The following CACNA2D3 variants were observed in gnomAD, a reference collection of about 807,000 sequenced individuals.
The protein encoded by CACNA2D3 is voltage-dependent calcium channel subunit alpha-2/delta-3.
Under a neutral mutation model 160.6 loss-of-function variants are expected in CACNA2D3, and 60 were observed. That is an observed-to-expected ratio of 0.37 (90% CI 0.30 to 0.46). CACNA2D3 has a LOEUF of 0.46. Among genes scored for constraint, CACNA2D3 ranks in the 20% least tolerant of loss-of-function variants. The probability of loss-of-function intolerance (pLI) is 1.00; values close to 1 mark genes in which losing one functional copy is unlikely to be tolerated. For missense variants in CACNA2D3, 1,205 were observed against 1,365.0 expected (o/e 0.88, Z 1.85); for synonymous variants, 558 against 492.9 (o/e 1.13, Z -1.75).
intron 11 of CACNA2D3, among the ~76,000 whole-genome samples, chr3:54,651,451 G>T (rs542010711): frequency 1.3e-4 from 20 of 151,340 alleles, no homozygotes; most frequent in African/African-American, 4.6e-4. Context: ...AGCAAGGATG[G>T]TAGCTTTGAG....
At chr3:54,947,432 A>G (rs775934724) in intron 27 of CACNA2D3, among the ~76,000 whole-genome samples, 3 of 152,192 alleles carry the variant, frequency 2.0e-5, no homozygotes, top group Non-Finnish European at 4.4e-5. Context: ...ATTCCAGGTG[A>G]TCTCAGCTGG....
In CACNA2D3 at chr3:54,467,313, A is replaced by G. The variant is rs1204349182; in HGVS notation, c.382-36179A>G. ...GTGCTGTGAACTGTAAAGTGTGACC[A>G]GGGAACTGGGAAGAGTCTTGGAAAT... On this transcript the variant is annotated intron_variant, in intron 4 of 37. Transcript: ENST00000474759. Among the ~76,000 whole-genome samples, 4 of 152,220 alleles carry G rather than the reference A, an allele frequency of 2.6e-5. No individual in the cohort carries two copies. In the East Asian group the frequency reaches 7.7e-4, roughly 29 times the overall value.
intron 4 of CACNA2D3, among the ~76,000 whole-genome samples, chr3:54,485,876 T>A (rs1026575187): frequency 1.3e-5 from 2 of 152,100 alleles, no homozygotes; most frequent in African/African-American, 4.8e-5. Flanking sequence ...GCTTTTAAAG[T>A]CTCTGACAGA....
intron 16 of CACNA2D3, among the ~76,000 whole-genome samples, chr3:54,846,142 C>A (rs1350951891): frequency 2.0e-5 from 3 of 152,094 alleles, no homozygotes; most frequent in African/African-American, 7.2e-5. Context: ...CAAAATAAAG[C>A]CCTTGGATGC....
intron 27 of CACNA2D3, among the ~76,000 whole-genome samples, chr3:54,909,832 G>C (rs1158952963): frequency 6.6e-6 from 1 of 152,062 alleles, no homozygotes; most frequent in Admixed American, 6.6e-5. Context: ...AGACTTCAAG[G>C]AGAAAGTGAT....
chr3:54,294,210 C>G (rs1320232130), intron 2 of CACNA2D3, among the ~76,000 whole-genome samples: 1 of 152,184 alleles, frequency 6.6e-6, no homozygotes, highest in African/African-American at 2.4e-5. Flanking sequence ...TCATCTCTGC[C>G]ACCCTGTGTT....
chr3:55,038,864 CTATATATATATATATATATATATATATA>C (rs10576329), intron 35 of CACNA2D3, among the ~76,000 whole-genome samples: 26 of 99,090 alleles, frequency 2.6e-4, no homozygotes, highest in Admixed American at 6.1e-4. Flanking sequence ...AGCCAGGATG[CTATATATATATATATATATATATATATA>C]TATATATATA....
chr3:54,687,768 A>AT (rs1489821060), intron 11 of CACNA2D3, among the ~76,000 whole-genome samples: 2 of 152,158 alleles, frequency 1.3e-5, no homozygotes, highest in African/African-American at 4.8e-5. Flanking sequence ...ATCTGGCTGA[A>AT]TTTGATTTTC....
At position 54,968,517 on chromosome 3, in the gene CACNA2D3, T is replaced by G; in HGVS notation, c.2511+6T>G. 1 of 1,605,502 alleles carries G rather than the reference T, an allele frequency of 6.2e-7. No individual in the cohort carries two copies. Among genetic ancestry groups the G allele is most frequent in the Non-Finnish European group, 8.5e-7 (1 of 1,174,726 alleles). On this transcript the variant is annotated splice_donor_region_variant and intron_variant, in intron 28 of 37. Transcript: ENST00000474759. ...TCTGGACTGCCAGCAGACAGGTAAGTTATAATCAGCATCTTGAAGCATTAG... is the reference window on the plus strand; with the variant it reads ...TCTGGACTGCCAGCAGACAGGTAAGGTATAATCAGCATCTTGAAGCATTAG...
intron 11 of CACNA2D3, among the ~76,000 whole-genome samples, chr3:54,657,871 A>G (rs1328840300): frequency 6.6e-6 from 1 of 152,138 alleles, no homozygotes; most frequent in Non-Finnish European, 1.5e-5. Flanking sequence ...TCTACTAAAA[A>G]TACAAAAATT....
At chr3:54,733,879 C>T (rs958509734) in intron 11 of CACNA2D3, among the ~76,000 whole-genome samples, 5 of 151,948 alleles carry the variant, frequency 3.3e-5, no homozygotes, top group Non-Finnish European at 5.9e-5. Flanking sequence ...TCAGTGAACA[C>T]GTAGCCCAAG....
At chr3:54,199,536 ATT>A (rs1312661787) in intron 2 of CACNA2D3, among the ~76,000 whole-genome samples, 4 of 151,396 alleles carry the variant, frequency 2.6e-5, no homozygotes, top group Non-Finnish European at 5.9e-5. Flanking sequence ...CCCGCCACTA[ATT>A]TTTTTATTTT....
At chr3:54,477,269 A>T (rs574725410) in intron 4 of CACNA2D3, among the ~76,000 whole-genome samples, 7 of 151,886 alleles carry the variant, frequency 4.6e-5, no homozygotes, top group Admixed American at 2.6e-4. Context: ...GGGGTAAATG[A>T]GGCCCATAAT....
chr3:54,987,677 C>T lies in CACNA2D3; in HGVS notation c.2620-6C>T. Reference sequence around the variant, plus strand: ...TACACCTCCTCATATGTCTTCTTCCCCATAGACTGGAGACTTTTTTGGTGA... The same window carrying T: ...TACACCTCCTCATATGTCTTCTTCCTCATAGACTGGAGACTTTTTTGGTGA... On this transcript the variant is annotated splice_region_variant and splice_polypyrimidine_tract_variant and intron_variant, in intron 30 of 37. Transcript: ENST00000474759. 1 of 1,596,148 alleles carries T rather than the reference C, an allele frequency of 6.3e-7. No homozygotes were observed. Among genetic ancestry groups the T allele is most frequent in the South Asian group, 1.1e-5 (1 of 88,436 alleles).
At chr3:54,585,353 A>G (rs1407062827) in intron 9 of CACNA2D3, among the ~76,000 whole-genome samples, 1 of 152,254 alleles carries the variant, frequency 6.6e-6, no homozygotes, top group East Asian at 1.9e-4. Context: ...ACCTACAGCA[A>G]CCACTAAGAA....
chr3:54,835,995 G>A lies in CACNA2D3; in HGVS notation c.1399-1164G>A, dbSNP rs533632428. On this transcript the variant is annotated intron_variant, in intron 14 of 37. Transcript: ENST00000474759. ...TGTGGAGACTTCACTAGTGCAGTTA[G>A]GAAAGATTCAGAGCTGAGATTTAGA... 3.3e-5 allele frequency among the ~76,000 whole-genome samples: 5 copies of A among 152,252 alleles called. No individual in the cohort carries two copies. The South Asian group carries it at 8.3e-4, about 25-fold the overall frequency.
At chr3:54,998,474 G>C (rs903933371) in intron 31 of CACNA2D3, among the ~76,000 whole-genome samples, 11 of 152,078 alleles carry the variant, frequency 7.2e-5, no homozygotes, top group African/African-American at 2.7e-4. Flanking sequence ...CTTCTTACCT[G>C]GGTAAGATGC....
chr3:54,640,857 C>A (rs527782110), intron 10 of CACNA2D3, among the ~76,000 whole-genome samples: 2 of 152,292 alleles, frequency 1.3e-5, no homozygotes, highest in South Asian at 4.1e-4. Context: ...GAGATATTGT[C>A]TCTCAAGTAG....
intron 13 of CACNA2D3, among the ~76,000 whole-genome samples, chr3:54,770,928 C>T (rs763814414): frequency 2.6e-5 from 4 of 152,126 alleles, no homozygotes; most frequent in Non-Finnish European, 4.4e-5. Context: ...GTGCTGAATA[C>T]GGGCAAAGCA....
Sources: gnomAD v4.1 joint callset for allele counts (sites outside exome capture counted in the v4.1 genomes callset) on GRCh38, gnomAD v4.1.1 for gene constraint, MANE v1.5 for transcripts, NCBI Gene and HGNC (gene_info 2026-07-23, HGNC 2026-07-21) for gene names.